AIG1: variants seen among roughly 807,000 people sequenced by gnomAD.
AIG1 encodes androgen induced 1.
A neutral mutation model predicts 31.4 loss-of-function variants in AIG1; 23 were observed. That is an observed-to-expected ratio of 0.73 (90% confidence interval 0.53 to 1.04). The LOEUF is 1.04. Ranked by LOEUF, AIG1 falls within the 50% of genes least tolerant of loss-of-function variation. The pLI, the probability that AIG1 is intolerant of heterozygous loss-of-function variation, is 0.00. For missense variants in AIG1, 274 were observed against 295.0 expected (o/e 0.93, Z 0.52); for synonymous variants, 100 against 110.5 (o/e 0.90, Z 0.60).
intron 3 of AIG1, among the ~76,000 whole-genome samples, chr6:143,233,829 T>C (rs1262560826): frequency 1.3e-5 from 2 of 152,244 alleles, no homozygotes; most frequent in Non-Finnish European, 2.9e-5. Context: ...ATTTCAAGTA[T>C]GTAAGCAGTA....
intron 3 of AIG1, among the ~76,000 whole-genome samples, chr6:143,169,562 A>G (rs1166327818): frequency 6.6e-6 from 1 of 152,108 alleles, no homozygotes; most frequent in African/African-American, 2.4e-5. Flanking sequence ...ATCTAGCTAT[A>G]ATTGTGTCTC....
chr6:143,190,163 G>A, intron 3 of AIG1: 2 of 985,026 alleles, frequency 2.0e-6, no homozygotes, highest in Non-Finnish European at 1.2e-6. Flanking sequence ...ATTTTGAGGG[G>A]ACAGAAACAT....
intron 3 of AIG1, chr6:143,190,517 C>T: frequency 1.0e-6 from 1 of 985,016 alleles, no homozygotes; most frequent in Non-Finnish European, 1.2e-6. Flanking sequence ...TTCAGAATTT[C>T]ATTGTCCTGT....
At position 143,268,352 on chromosome 6, in the gene AIG1, A is replaced by G. The variant is rs1225594592; in HGVS notation, c.400-15758A>G. Among the ~76,000 whole-genome samples, 3 of 152,116 alleles carry G rather than the reference A, an allele frequency of 2.0e-5. No individual in the cohort carries two copies. The highest frequency in any genetic ancestry group is 2.9e-5 in the Non-Finnish European group (2 of 68,018). On this transcript the variant is annotated intron_variant, in intron 3 of 5. Coordinates refer to ENST00000357847, the MANE Select transcript of AIG1 (RefSeq NM_016108.4). The surrounding 1 kb of genome is among the most constrained non-coding windows in gnomAD (Gnocchi z 5.0). Reference sequence around the variant, plus strand: ...GCATTGTTCCCTGAGCCTCGAGTCTACGGGGACCACAACTAGATGGTCTAA... The same window carrying G: ...GCATTGTTCCCTGAGCCTCGAGTCTGCGGGGACCACAACTAGATGGTCTAA...
chr6:143,314,975 T>G (rs1322699983), intron 4 of AIG1, among the ~76,000 whole-genome samples: 1 of 152,124 alleles, frequency 6.6e-6, no homozygotes, highest in Non-Finnish European at 1.5e-5. Flanking sequence ...AAATGAATCT[T>G]TGGCCAACAA....
At chr6:143,140,994 C>T (rs1298655353) in intron 2 of AIG1, among the ~76,000 whole-genome samples, 2 of 152,304 alleles carry the variant, frequency 1.3e-5, no homozygotes, top group Non-Finnish European at 1.5e-5. Context: ...GCTTCCCTGG[C>T]TATTATCTAC....
intron 1 of AIG1, among the ~76,000 whole-genome samples, chr6:143,117,356 A>G (rs1781825982): frequency 6.6e-6 from 1 of 152,150 alleles, no homozygotes; most frequent in Non-Finnish European, 1.5e-5. Flanking sequence ...TGTTCCCACA[A>G]CCCAGGGAGA....
chr6:143,281,930 A>T (rs1359492772), intron 3 of AIG1, among the ~76,000 whole-genome samples: 1 of 152,206 alleles, frequency 6.6e-6, no homozygotes, highest in Non-Finnish European at 1.5e-5. Context: ...TGGTGATGAC[A>T]CCAATGATGA....
intron 4 of AIG1, among the ~76,000 whole-genome samples, chr6:143,306,563 G>A (rs1432945163): frequency 2.6e-5 from 4 of 152,214 alleles, no homozygotes; most frequent in Admixed American, 2.0e-4. Flanking sequence ...TTTCTGCTGA[G>A]AGATCCACTG....
In AIG1 at chr6:143,256,489, T is replaced by G. The variant is rs1795381943; in HGVS notation, c.400-27621T>G. Among the ~76,000 whole-genome samples the G allele has an allele frequency of 6.6e-6, 1 of 152,258 alleles. No individual in the cohort carries two copies. The highest frequency in any genetic ancestry group is 1.5e-5 in the Non-Finnish European group (1 of 68,038). ...CTGTTCATTTGCCATCAGTAAATTT[T>G]ATTTTGTCAGGTTTAGACATTTTTC... On this transcript the variant is annotated intron_variant, in intron 3 of 5. Transcript: ENST00000357847. The surrounding 1 kb of genome is among the most constrained non-coding windows in gnomAD (Gnocchi z 4.6).
intron 5 of AIG1, among the ~76,000 whole-genome samples, chr6:143,336,267 C>T (rs1777483483): frequency 6.6e-6 from 1 of 152,184 alleles, no homozygotes; most frequent in South Asian, 2.1e-4. Context: ...ACTTGGGTAA[C>T]TTATGTTAGC....
At chr6:143,088,032 C>G (rs556446756) in intron 1 of AIG1, among the ~76,000 whole-genome samples, 7 of 152,226 alleles carry the variant, frequency 4.6e-5, no homozygotes, top group African/African-American at 1.7e-4. Flanking sequence ...AACCTTGAGC[C>G]AGACATAAAT....
intron 5 of AIG1, among the ~76,000 whole-genome samples, chr6:143,336,185 CAAG>C (rs1777475986): frequency 6.6e-6 from 1 of 152,076 alleles, no homozygotes; most frequent in Non-Finnish European, 1.5e-5. Context: ...TACAATCCCC[CAAG>C]AAGAAGGAAG....
At chr6:143,072,484 A>G (rs908047764) in intron 1 of AIG1, among the ~76,000 whole-genome samples, 1 of 152,164 alleles carries the variant, frequency 6.6e-6, no homozygotes, top group Admixed American at 6.5e-5. Flanking sequence ...AGGAGAGAGC[A>G]GATATCCTTA....
At chr6:143,171,477 A>AAT (rs1438678385) in intron 3 of AIG1, among the ~76,000 whole-genome samples, 2,941 of 120,904 alleles carry the variant, frequency 0.024, 123 homozygotes, top group African/African-American at 0.092. Context: ...TAATATATAT[A>AAT]ATATATATTA....
chr6:143,111,348 T>C (rs1781262468), intron 1 of AIG1, among the ~76,000 whole-genome samples: 1 of 152,240 alleles, frequency 6.6e-6, no homozygotes, highest in Non-Finnish European at 1.5e-5. Context: ...TCAAGTTCTT[T>C]CGACATTTGA....
intron 3 of AIG1, among the ~76,000 whole-genome samples, chr6:143,215,063 T>C (rs1791921060): frequency 6.6e-6 from 1 of 151,774 alleles, no homozygotes; most frequent in South Asian, 2.1e-4. Flanking sequence ...TTGCACTTCA[T>C]ATCCCTTTGC....
intron 3 of AIG1, among the ~76,000 whole-genome samples, chr6:143,244,297 A>G (rs1794459431): frequency 6.6e-6 from 1 of 152,180 alleles, no homozygotes; most frequent in Non-Finnish European, 1.5e-5. Flanking sequence ...GGTAAATGGC[A>G]TGGACTTTGC....
intron 3 of AIG1, among the ~76,000 whole-genome samples, chr6:143,245,364 C>G (rs897344906): frequency 6.6e-6 from 1 of 152,128 alleles, no homozygotes; most frequent in African/African-American, 2.4e-5. Context: ...ACACAGCTTC[C>G]AGAGAAGATT....
Sources: gnomAD v4.1 joint callset for allele counts (sites outside exome capture counted in the v4.1 genomes callset) on GRCh38, gnomAD v4.1.1 for gene constraint, Gnocchi (gnomAD v3.1) non-coding constraint, MANE v1.5 for transcripts, NCBI Gene and HGNC (gene_info 2026-07-23, HGNC 2026-07-21) for gene names.